FHIT: variants seen among roughly 807,000 people sequenced by gnomAD.
FHIT encodes the protein fragile histidine triad diadenosine triphosphatase.
A neutral mutation model predicts 17.9 loss-of-function variants in FHIT; 19 were observed. The observed-to-expected ratio is 1.06, with a 90% confidence interval of 0.74 to 1.56. The LOEUF is 1.56. FHIT is among the 40% of genes most tolerant of loss of function. FHIT has a pLI of 0.00. For synonymous variants in FHIT, 81 were observed against 69.7 expected, an observed-to-expected ratio of 1.16 and a Z score of -0.81; for missense variants, 248 against 189.2, an observed-to-expected ratio of 1.31 and a Z score of -1.82.
intron 5 of FHIT, among the ~76,000 whole-genome samples, chr3:60,303,627 T>G (rs939346974): frequency 6.6e-6 from 1 of 152,120 alleles, no homozygotes; most frequent in African/African-American, 2.4e-5. Flanking sequence ...CATATGTGAT[T>G]TTCTATGCTT....
At chr3:60,726,111 A>G (rs1291891861) in intron 4 of FHIT, among the ~76,000 whole-genome samples, 1 of 152,194 alleles carries the variant, frequency 6.6e-6, no homozygotes, top group African/African-American at 2.4e-5. Flanking sequence ...TAGCACTGGT[A>G]GATGACATTC....
intron 2 of FHIT, among the ~76,000 whole-genome samples, chr3:61,134,809 A>G (rs1022409492): frequency 1.3e-5 from 2 of 152,170 alleles, no homozygotes; most frequent in Non-Finnish European, 2.9e-5. Flanking sequence ...GAACCTCCAG[A>G]GAAGTACACA....
intron 5 of FHIT, among the ~76,000 whole-genome samples, chr3:60,036,318 G>A (rs1380571952): frequency 2.0e-5 from 3 of 152,060 alleles, no homozygotes; most frequent in Admixed American, 6.6e-5. Flanking sequence ...AAAGGAAACC[G>A]TTCATATGGT....
chr3:60,126,037 T>A (rs1280518708), intron 5 of FHIT, among the ~76,000 whole-genome samples: 3 of 152,162 alleles, frequency 2.0e-5, no homozygotes, highest in African/African-American at 7.2e-5. Flanking sequence ...GTGTTCTGGC[T>A]TCTCCTGCAA....
chr3:60,472,578 C>T (rs1246921154), intron 5 of FHIT, among the ~76,000 whole-genome samples: 1 of 152,124 alleles, frequency 6.6e-6, no homozygotes, highest in South Asian at 2.1e-4. Context: ...ATCATGTTAG[C>T]CAGGATGGTC....
chr3:59,993,784 G>A (rs1484248005), intron 7 of FHIT, among the ~76,000 whole-genome samples: 7 of 151,844 alleles, frequency 4.6e-5, no homozygotes, highest in East Asian at 1.9e-4. Flanking sequence ...GCCTCTGACT[G>A]GATTCTAGGT....
At chr3:60,486,049 C>A (rs1056317485) in intron 5 of FHIT, among the ~76,000 whole-genome samples, 2 of 152,126 alleles carry the variant, frequency 1.3e-5, no homozygotes, top group African/African-American at 4.8e-5. Flanking sequence ...ATAGAAGACA[C>A]TTCTGCACAC....
In FHIT at chr3:60,473,900, GT is replaced by G. The variant is rs555559450; in HGVS notation, c.103+62959del. 3.2e-4 allele frequency among the ~76,000 whole-genome samples: 49 copies of G among 151,090 alleles called. No homozygotes were observed. In the East Asian group the frequency reaches 8.9e-3, roughly 27 times the overall value. On this transcript the variant is annotated intron_variant, in intron 5 of 9. Coordinates refer to ENST00000492590, the MANE Select transcript of FHIT (RefSeq NM_002012.4). ...ATCACGCCATTGCACTCTGGCCTGG[GT>G]GACAGAGCGAGACTCCATTTCCAAA... is the stretch of plus-strand genomic sequence containing the variant.
intron 4 of FHIT, among the ~76,000 whole-genome samples, chr3:60,779,952 G>T (rs1553725358): frequency 6.6e-6 from 1 of 152,182 alleles, no homozygotes; most frequent in Admixed American, 6.5e-5. Context: ...AAGAGCGGAT[G>T]ATTCCCACCC....
chr3:60,954,374 T>A (rs1485034873), intron 3 of FHIT, among the ~76,000 whole-genome samples: 5 of 152,200 alleles, frequency 3.3e-5, no homozygotes, highest in Non-Finnish European at 7.4e-5. Flanking sequence ...CAAACATTCA[T>A]AAATGACGAA....
chr3:60,535,672 G>A (rs1385433107), intron 5 of FHIT: 2 of 151,476 alleles, frequency 1.3e-5, no homozygotes, highest in African/African-American at 4.8e-5. Flanking sequence ...ATTAAGAAAA[G>A]CTTACATATT....
At position 60,014,139 on chromosome 3, in the gene FHIT, G is replaced by A. The variant is rs751316368; in HGVS notation, c.117C>T (p.Cys39=). ...KPVVPGHVLV[C]PLRPVERFHD... is the part of the protein sequence containing the mutation. ...GGAAGCGCTCCACTGGCCGCAGCGG[G>A]CACACAAGGACATCTGTAGCAAGGT... Residue 39 remains cysteine, a synonymous_variant, in exon 6 of 10, where the codon TGC becomes TGT. Transcript: ENST00000492590. The A allele has an allele frequency of 6.2e-7, 1 of 1,613,986 alleles. No homozygotes were observed. The highest frequency in any genetic ancestry group is 8.5e-7 in the Non-Finnish European group (1 of 1,179,946).
At chr3:60,202,117 C>T (rs1702940683) in intron 5 of FHIT, among the ~76,000 whole-genome samples, 2 of 152,196 alleles carry the variant, frequency 1.3e-5, no homozygotes, top group African/African-American at 4.8e-5. Context: ...TATAATGTTA[C>T]AGTGGAAAGA....
chr3:61,210,465 T>A (rs548335905), intron 1 of FHIT, among the ~76,000 whole-genome samples: 7 of 152,246 alleles, frequency 4.6e-5, no homozygotes, highest in African/African-American at 1.2e-4. Context: ...CAGAGCGAGC[T>A]TCCTGGTCTC....
At chr3:60,900,539 T>G (rs2107221056) in intron 3 of FHIT, among the ~76,000 whole-genome samples, 1 of 152,130 alleles carries the variant, frequency 6.6e-6, no homozygotes, top group African/African-American at 2.4e-5. Flanking sequence ...GAAAACACAA[T>G]TTTAAATAAA....
chr3:60,117,338 C>T (rs1219766701), intron 5 of FHIT, among the ~76,000 whole-genome samples: 3 of 151,990 alleles, frequency 2.0e-5, no homozygotes, highest in African/African-American at 4.8e-5. Flanking sequence ...TATGGAAGTT[C>T]AAATTGCCTT....
At chr3:60,577,647 G>A (rs782394544) in intron 4 of FHIT, among the ~76,000 whole-genome samples, 1 of 152,112 alleles carries the variant, frequency 6.6e-6, no homozygotes, top group Admixed American at 6.6e-5. Context: ...ACACTGAGAA[G>A]ACATCAGTGC....
At chr3:60,951,806 T>G (rs1343884397) in intron 3 of FHIT, among the ~76,000 whole-genome samples, 1 of 152,146 alleles carries the variant, frequency 6.6e-6, no homozygotes, top group Non-Finnish European at 1.5e-5. Context: ...TAACTAGTAT[T>G]TATAGTTATA....
intron 5 of FHIT, among the ~76,000 whole-genome samples, chr3:60,164,008 T>C (rs181135745): frequency 5.8e-4 from 89 of 152,272 alleles, no homozygotes; most frequent in African/African-American, 2.0e-3. Context: ...CACCCTCAAA[T>C]GTCCAGTGTT....
Sources: allele counts gnomAD v4.1 joint callset (sites outside exome capture counted in the v4.1 genomes callset), GRCh38; gene constraint gnomAD v4.1.1; transcripts MANE v1.5; gene names NCBI Gene and HGNC (gene_info 2026-07-23, HGNC 2026-07-21).